OR2AG2: variants seen among roughly 807,000 people sequenced by gnomAD.
The protein encoded by OR2AG2 is olfactory receptor 2AG2.
For missense variants in OR2AG2, 390 were observed against 391.9 expected, an observed-to-expected ratio of 1.00 and a Z score of 0.04; for synonymous variants, 167 against 157.1, an observed-to-expected ratio of 1.06 and a Z score of -0.47.
chr11:6,765,689 T>G lies in OR2AG2; in HGVS notation c.*2318A>C, dbSNP rs561282104. ...AGAGTAAAATGGTGGTTACCAAATG[T>G]TGAGGTAGGGGGATTTGGGAGATGC... On this transcript the variant is annotated 3_prime_UTR_variant, in exon 2 of 2. Coordinates refer to ENST00000641124, the MANE Select transcript of OR2AG2 (RefSeq NM_001004490.2). 6.6e-6 allele frequency: 1 copy of G among 152,010 alleles called. No individual in the cohort carries two copies. Among genetic ancestry groups the G allele is most frequent in the Non-Finnish European group, 1.5e-5 (1 of 67,950 alleles). 9.4% of individuals were successfully genotyped at this position (152,010 alleles called of 1,614,324 possible).
intron 1 of OR2AG2, among the ~76,000 whole-genome samples, chr11:6,770,074 C>A (rs1469921888): frequency 6.6e-6 from 1 of 152,156 alleles, no homozygotes; most frequent in Non-Finnish European, 1.5e-5. Context: ...TCCTGGTCAA[C>A]TCAGAGTTAG....
Position 6,769,111 on chromosome 11 carries a change from GA to G in OR2AG2, c.-155del. ...ATTTTCCATTTCTTAGTATGCCTCT[GA>G]TTTCTGAATGCTTTTATTGAAATAA... On this transcript the variant is annotated 5_prime_UTR_variant, in exon 2 of 2. It removes the in-frame stop codon of an upstream open reading frame in the 5' UTR. Coordinates refer to ENST00000641124, the MANE Select transcript of OR2AG2 (RefSeq NM_001004490.2). 1 of 567,980 alleles carries G rather than the reference GA, an allele frequency of 1.8e-6. No homozygotes were observed. The highest frequency in any genetic ancestry group is 3.1e-6 in the Non-Finnish European group (1 of 325,024). 35.2% of individuals were successfully genotyped at this position (567,980 alleles called of 1,614,324 possible).
rs1589992245 is a variant in OR2AG2, at chr11:6,769,449, G to A, written c.-492C>T. ...ACTTTCCTCAGTAGGAGAATCTCTG[G>A]GTTCTTGGGCTGCTTGATCACCTGG... is the stretch of plus-strand genomic sequence containing the variant. On this transcript the variant is annotated 5_prime_UTR_variant, in exon 2 of 2. Transcript: ENST00000641124. 1 of 156,968 alleles carries A rather than the reference G, an allele frequency of 6.4e-6. No homozygotes were observed. The highest frequency in any genetic ancestry group is 1.9e-4 in the South Asian group (1 of 5,282). 9.7% of individuals were successfully genotyped at this position (156,968 alleles called of 1,614,324 possible).
At chr11:6,770,702 G>T (rs1224434269) in intron 1 of OR2AG2, among the ~76,000 whole-genome samples, 1 of 152,170 alleles carries the variant, frequency 6.6e-6, no homozygotes, top group Non-Finnish European at 1.5e-5. Flanking sequence ...CTAAATATTA[G>T]ATTTGAAATG....
In OR2AG2 at chr11:6,769,171, ATGT is replaced by A. The variant is rs558384867; in HGVS notation, c.-217_-215del. ...CTAAACTGGTATCAGGTATTTTGACATGTTGTTAATAGTAATCATTTAGAAATC... is the reference window on the plus strand; with the variant it reads ...CTAAACTGGTATCAGGTATTTTGACATGTTAATAGTAATCATTTAGAAATC... On this transcript the variant is annotated 5_prime_UTR_variant, in exon 2 of 2. It adds an upstream start codon to the 5' untranslated region. Transcript: ENST00000641124. 86 of 520,992 alleles carry A rather than the reference ATGT, an allele frequency of 1.7e-4. No individual in the cohort carries two copies. The East Asian group carries it at 2.1e-3, about 13-fold the overall frequency. The allele number at this position is 520,992 out of a possible 1,614,324, so 32.3% of individuals were successfully genotyped here.
rs189057035 is a variant in OR2AG2, at chr11:6,766,569, A to C, written c.*1438T>G. On this transcript the variant is annotated 3_prime_UTR_variant, in exon 2 of 2. Transcript: ENST00000641124. ...AATGTAATATTATTTCTATAAAGAAAACAAGAATTATTGTGTTTTGACAAA... is the reference window on the plus strand; with the variant it reads ...AATGTAATATTATTTCTATAAAGAACACAAGAATTATTGTGTTTTGACAAA... 19 of 152,308 alleles carry C rather than the reference A, an allele frequency of 1.2e-4. No individual in the cohort carries two copies. The East Asian group carries it at 3.5e-3, about 28-fold the overall frequency. The allele number at this position is 152,308 out of a possible 1,614,324, so 9.4% of individuals were successfully genotyped here. A position where few individuals can be genotyped will look rare whatever the true frequency, so the allele number is the denominator to read the frequency against.
chr11:6,768,219 C>A lies in OR2AG2; in HGVS notation c.739G>T (p.Val247Leu), dbSNP rs201453737. 367 of 1,614,180 alleles carry A rather than the reference C, an allele frequency of 2.3e-4. 2 individuals are homozygous for A. The Admixed American group carries it at 6.0e-3, about 26-fold the overall frequency. ...GCAGCTCCATAGAACATCCCGACCACAATCAGGTGGGAAGAGCAGGTGACA... is the reference window on the plus strand; with the variant it reads ...GCAGCTCCATAGAACATCCCGACCAAAATCAGGTGGGAAGAGCAGGTGACA... ...ALVTCSSHLI[V>L]VGMFYGAATF... The change falls in exon 2 of 2, where the codon GTG becomes TTG. Residue 247 changes from valine (V) to leucine (L), a missense_variant. Physicochemically the swap from Val to Leu is conservative, Grantham distance 32. Transcript: ENST00000641124.
In OR2AG2 at chr11:6,768,901, A is replaced by G. The variant is rs750725226; in HGVS notation, c.57T>C (p.Asn19=). 1.2e-6 allele frequency: 2 copies of G among 1,613,594 alleles called. No individual in the cohort carries two copies. Among genetic ancestry groups the G allele is most frequent in the Non-Finnish European group, 1.7e-6 (2 of 1,179,552 alleles). Residue 19 remains asparagine (N), a synonymous_variant, in exon 2 of 2, where the codon AAT becomes AAC. Coordinates refer to ENST00000641124, the MANE Select transcript of OR2AG2 (RefSeq NM_001004490.2). ...AGAGCAGTTCAGGAGACCCACTGTCATTCAGAATCCCCACCAAGATGAAGC... is the reference window on the plus strand; with the variant it reads ...AGAGCAGTTCAGGAGACCCACTGTCGTTCAGAATCCCCACCAAGATGAAGC... The part of the protein sequence containing the change: ...GSGFILVGIL[N]DSGSPELLYA...
rs1301323629 is a variant in OR2AG2, at chr11:6,766,913, T to C, written c.*1094A>G. 1 of 152,214 alleles carries C rather than the reference T, an allele frequency of 6.6e-6. No individual in the cohort carries two copies. The highest frequency in any genetic ancestry group is 1.5e-5 in the Non-Finnish European group (1 of 68,022). 9.4% of individuals were successfully genotyped at this position (152,214 alleles called of 1,614,324 possible). A position where few individuals can be genotyped will look rare whatever the true frequency, so the allele number is the denominator to read the frequency against. Reference sequence around the variant, plus strand: ...CAATATTCCCAACAAATTTCTCTCATTGTTATTGTACTCACTTTAAAACTG... The same window carrying C: ...CAATATTCCCAACAAATTTCTCTCACTGTTATTGTACTCACTTTAAAACTG... On this transcript the variant is annotated 3_prime_UTR_variant, in exon 2 of 2. Transcript: ENST00000641124.
At position 6,771,936 on chromosome 11, in the gene OR2AG2, G is replaced by C. The variant is rs1233954575; in HGVS notation, c.-852C>G. ...GGTTCTAGCTGAGTTCTTAAGTCCAGGTCCTCAGATTTCATATATTCCCCT... is the reference window on the plus strand; with the variant it reads ...GGTTCTAGCTGAGTTCTTAAGTCCACGTCCTCAGATTTCATATATTCCCCT... On this transcript the variant is annotated 5_prime_UTR_variant, in exon 1 of 2. Transcript: ENST00000641124. 6.6e-6 allele frequency: 1 copy of C among 152,184 alleles called. No homozygotes were observed. The highest frequency in any genetic ancestry group is 2.4e-5 in the African/African-American group (1 of 41,430). The allele number at this position is 152,184 out of a possible 1,614,324, so 9.4% of individuals were successfully genotyped here.
In OR2AG2 at chr11:6,768,913, C is replaced by T. The variant is rs138647617; in HGVS notation, c.45G>A (p.Val15=). The T allele has an allele frequency of 4.3e-5, 70 of 1,612,832 alleles. No individual in the cohort carries two copies. The Middle Eastern group carries it at 3.0e-3, about 68-fold the overall frequency. The part of the protein sequence containing the change: ...NSTLGSGFIL[V]GILNDSGSPE... ...GAGACCCACTGTCATTCAGAATCCC[C>T]ACCAAGATGAAGCCGCTTCCCAAGG... The change falls in exon 2 of 2, where the codon GTG becomes GTA. Residue 15 remains valine (V), a synonymous_variant. Transcript: ENST00000641124.
Position 6,768,372 on chromosome 11 carries a change from C to T in OR2AG2, c.586G>A (p.Glu196Lys), listed in dbSNP as rs754812230. The change falls in exon 2 of 2, where the codon GAG (glutamate) becomes AAG (lysine). Residue 196 changes from glutamate (E) to lysine (K), a missense_variant. Physicochemically the swap from Glu to Lys is moderately conservative, Grantham distance 56. Transcript: ENST00000641124. Reference protein sequence around the residue: ...KLACADTSRYELIIYVTGVTF... With the variant: ...KLACADTSRYKLIIYVTGVTF... Reference sequence around the variant, plus strand: ...ACACCTGTCACGTATATTATAAGCTCATACCTGGAGGTATCAGCACAGGCC... The same window carrying T: ...ACACCTGTCACGTATATTATAAGCTTATACCTGGAGGTATCAGCACAGGCC... The T allele has an allele frequency of 5.0e-6, 8 of 1,613,954 alleles. No individual in the cohort carries two copies. Among genetic ancestry groups the T allele is most frequent in the Admixed American group, 3.3e-5 (2 of 59,980 alleles).
In OR2AG2 at chr11:6,769,736, T is replaced by C. The variant is rs191342537; in HGVS notation, c.-537-242A>G. On this transcript the variant is annotated intron_variant, in intron 1 of 1. Coordinates refer to ENST00000641124, the MANE Select transcript of OR2AG2 (RefSeq NM_001004490.2). ...ACATTGTAGAAACGGCCCAAAGCAA[T>C]AGCGTTACCTGTGAGCCACAGCAAC... is the stretch of plus-strand genomic sequence containing the variant. 2.3e-3 allele frequency among the ~76,000 whole-genome samples: 357 copies of C among 152,154 alleles called. 1 individual carries two copies. Among genetic ancestry groups the C allele is most frequent in the Non-Finnish European group, 4.0e-3 (274 of 67,998 alleles).
chr11:6,768,938 G>A lies in OR2AG2; in HGVS notation c.20C>T (p.Thr7Ile). 2 of 1,610,592 alleles carry A rather than the reference G, an allele frequency of 1.2e-6. No homozygotes were observed. The highest frequency in any genetic ancestry group is 1.3e-5 in the African/African-American group (1 of 74,962). Reference sequence around the variant, plus strand: ...CACCAAGATGAAGCCGCTTCCCAAGGTGGAGTTCCGGAGCTCCATGATGTG... The same window carrying A: ...CACCAAGATGAAGCCGCTTCCCAAGATGGAGTTCCGGAGCTCCATGATGTG... MELRNS[T>I]LGSGFILVGI... The change falls in exon 2 of 2, where the codon ACC becomes ATC. Residue 7 changes from threonine (T) to isoleucine (I), a missense_variant. Coordinates refer to ENST00000641124, the MANE Select transcript of OR2AG2 (RefSeq NM_001004490.2).
Position 6,768,357 on chromosome 11 carries a change from C to A in OR2AG2, c.601G>T (p.Val201Leu), listed in dbSNP as rs750988948. The change falls in exon 2 of 2, where the codon GTG becomes TTG. Residue 201 changes from valine (V) to leucine (L), a missense_variant. Transcript: ENST00000641124. ...DTSRYELIIYVTGVTFLLLPI... is the reference protein window; with the variant it reads ...DTSRYELIIYLTGVTFLLLPI... ...AGCAAGAGGAAAGTCACACCTGTCA[C>A]GTATATTATAAGCTCATACCTGGAG... 1 of 1,613,996 alleles carries A rather than the reference C, an allele frequency of 6.2e-7. No individual in the cohort carries two copies. Among genetic ancestry groups the A allele is most frequent in the East Asian group, 2.2e-5 (1 of 44,848 alleles).
At chr11:6,771,585 T>C (rs961759212) in intron 1 of OR2AG2, 37 bp downstream of exon 1, 13 of 152,200 alleles carry the variant, frequency 8.5e-5, no homozygotes, top group African/African-American at 3.1e-4. Context: ...ACTTCCAGAC[T>C]TCCCATATTG....
chr11:6,770,624 C>T (rs1049171897), intron 1 of OR2AG2, among the ~76,000 whole-genome samples: 13 of 152,218 alleles, frequency 8.5e-5, no homozygotes, highest in African/African-American at 2.9e-4. Flanking sequence ...ACCCACTGAC[C>T]GGAAAACCTT....
rs146279135 is a variant in OR2AG2 at position 6,768,630 on chromosome 11, C to A, written c.328G>T (p.Ala110Ser). The change falls in exon 2 of 2, where the codon GCT becomes TCT. Residue 110 changes from alanine (A) to serine (S), a missense_variant. Ala to Ser is a moderately conservative substitution (Grantham distance 99). Transcript: ENST00000641124. ...ATGAAGGCCAGTAGGAGGTCCTCAGCGCTACCCATTGTCAGTGCCAGGAAC... is the reference window on the plus strand; with the variant it reads ...ATGAAGGCCAGTAGGAGGTCCTCAGAGCTACCCATTGTCAGTGCCAGGAAC... Reference protein sequence around the residue: ...QMFLALTMGSAEDLLLAFMAY... With the variant: ...QMFLALTMGSSEDLLLAFMAY... 5.0e-6 allele frequency: 8 copies of A among 1,614,040 alleles called. No homozygotes were observed. Among genetic ancestry groups the A allele is most frequent in the East Asian group, 4.5e-5 (2 of 44,890 alleles).
chr11:6,770,966 A>T (rs2119662328), intron 1 of OR2AG2, among the ~76,000 whole-genome samples: 1 of 152,288 alleles, frequency 6.6e-6, no homozygotes, highest in East Asian at 1.9e-4. Flanking sequence ...TCTAAAGGGA[A>T]AGGCCAGAGA....
Sources: gnomAD v4.1 joint callset for allele counts (sites outside exome capture counted in the v4.1 genomes callset) on GRCh38, gnomAD v4.1.1 for gene constraint, MANE v1.5 for transcripts, NCBI Gene and HGNC (gene_info 2026-07-23, HGNC 2026-07-21) for gene names.